Variants in KMT2C observed in about 807,000 individuals in gnomAD.
KMT2C encodes histone-lysine N-methyltransferase 2C.
KMT2C carries 88 observed loss-of-function variants against 507.9 expected under a neutral mutation model. The ratio of observed to expected loss-of-function variants is 0.17; its 90% CI spans 0.15 to 0.21. The LOEUF is 0.21. Ranked by LOEUF, KMT2C falls within the 10% of genes least tolerant of loss-of-function variation. The pLI, the probability that KMT2C is intolerant of heterozygous loss-of-function variation, is 1.00. For synonymous variants in KMT2C, 2,049 were observed against 2,080.8 expected (o/e 0.98, Z 0.42); for missense variants, 4,954 against 5,957.8 (o/e 0.83, Z 5.55).
intron 33 of KMT2C, among the ~76,000 whole-genome samples, chr7:152,187,046 A>C (rs2093648558): frequency 6.6e-6 from 1 of 152,192 alleles, no homozygotes; most frequent in African/African-American, 2.4e-5. Context: ...GGACCATTTC[A>C]CTAATTGAAA....
intron 3 of KMT2C, among the ~76,000 whole-genome samples, chr7:152,329,613 G>C (rs2096861292): frequency 6.7e-6 from 1 of 148,502 alleles, no homozygotes. Flanking sequence ...AAAGGGAAGA[G>C]GAAAAGGAAG....
intron 11 of KMT2C, 82 bp downstream of exon 11, chr7:152,251,857 T>C (rs2129166489): frequency 2.2e-6 from 2 of 917,852 alleles, no homozygotes; most frequent in Non-Finnish European, 3.1e-6. Context: ...CCTCTCTTCC[T>C]GATTAAAGCA....
chr7:152,184,234 C>A (rs2093547511), intron 34 of KMT2C, among the ~76,000 whole-genome samples: 1 of 151,234 alleles, frequency 6.6e-6, no homozygotes, highest in Admixed American at 6.6e-5. Flanking sequence ...AGCATATTAA[C>A]ACATCTATAT....
At chr7:152,280,342 A>T (rs1317938822) in intron 6 of KMT2C, among the ~76,000 whole-genome samples, 1 of 123,910 alleles carries the variant, frequency 8.1e-6, no homozygotes, top group Non-Finnish European at 1.8e-5. Context: ...TGAGATCAAG[A>T]CCATCCTGGC....
intron 7 of KMT2C, among the ~76,000 whole-genome samples, chr7:152,269,990 A>G (rs1438189522): frequency 6.6e-6 from 1 of 152,240 alleles, no homozygotes; most frequent in Admixed American, 6.5e-5. Flanking sequence ...CAGACAACAC[A>G]TAAGAATAAA....
chr7:152,416,437 C>T (rs377186431), intron 1 of KMT2C, among the ~76,000 whole-genome samples: 2 of 152,146 alleles, frequency 1.3e-5, no homozygotes, highest in African/African-American at 2.4e-5. Flanking sequence ...CCCAGCTACT[C>T]GGGAGGGAGG....
intron 38 of KMT2C, among the ~76,000 whole-genome samples, chr7:152,174,784 A>C (rs925073222): frequency 4.5e-4 from 69 of 152,316 alleles, no homozygotes; most frequent in Non-Finnish European, 9.0e-4. Context: ...CACTGCTTAG[A>C]CACGTGCCCT....
chr7:152,194,273 TAA>T lies in KMT2C; in HGVS notation c.4508-14_4508-13del, dbSNP rs749505031. The T allele has an allele frequency of 1.5e-4, 166 of 1,138,654 alleles. No individual in the cohort carries two copies. The highest frequency in any genetic ancestry group is 1.6e-4 in the Non-Finnish European group (137 of 831,272). 70.5% of individuals were successfully genotyped at this position (1,138,654 alleles called of 1,614,324 possible). A position where few individuals can be genotyped will look rare whatever the true frequency, so the allele number is the denominator to read the frequency against. ...TCCAAGAATTGCTCCTAGAATAAAT[TAA>T]AAAAAAAAAAGAAACATTAACAGCT... On this transcript the variant is annotated splice_polypyrimidine_tract_variant and intron_variant, in intron 29 of 58. Coordinates refer to ENST00000262189, the MANE Select transcript of KMT2C (RefSeq NM_170606.3).
At chr7:152,377,103 G>A (rs79442899) in intron 1 of KMT2C, among the ~76,000 whole-genome samples, 1,110 of 132,374 alleles carry the variant, frequency 8.4e-3, no homozygotes, top group South Asian at 0.02. Flanking sequence ...TGAAGCTAAT[G>A]CTCATTTGCC....
intron 9 of KMT2C, among the ~76,000 whole-genome samples, chr7:152,259,561 A>G (rs1216998571): frequency 1.3e-5 from 2 of 152,120 alleles, no homozygotes; most frequent in African/African-American, 4.8e-5. Context: ...TAAATGCGAC[A>G]TGGGTATTAT....
At position 152,134,973 on chromosome 7, in the gene KMT2C, T is replaced by C. The variant is rs2089760977; in HGVS notation, c.*1859A>G. ...TGTAAATGGTGATCTTCTAAATCTG[T>C]GTCCACAAATTCCAAAACCCATAAC... On this transcript the variant is annotated 3_prime_UTR_variant, in exon 59 of 59. Transcript: ENST00000262189. 3 of 225,606 alleles carry C rather than the reference T, an allele frequency of 1.3e-5. No homozygotes were observed. The highest frequency in any genetic ancestry group is 1.1e-4 in the Admixed American group (2 of 17,520). The allele number at this position is 225,606 out of a possible 1,614,324, so 14.0% of individuals were successfully genotyped here.
chr7:152,425,928 G>A (rs1301892136), intron 1 of KMT2C, among the ~76,000 whole-genome samples: 1 of 152,014 alleles, frequency 6.6e-6, no homozygotes, highest in African/African-American at 2.4e-5. Flanking sequence ...CTCACTGAGG[G>A]AGGCCTACTA....
At position 152,149,029 on chromosome 7, in the gene KMT2C, A is replaced by G. The variant is rs199880787; in HGVS notation, c.12898T>C (p.Ser4300Pro). ...HCLPQLPEKASPPASPPIAFP... is the reference protein window; with the variant it reads ...HCLPQLPEKAPPPASPPIAFP... ...GCGATGGGTGGTGAGGCAGGGGGAG[A>G]AGCTTTCTCTGGGAGCTGGGGGAGA... Residue 4300 changes from serine (S) to proline (P), a missense_variant, in exon 52 of 59, where the codon TCT becomes CCT. Transcript: ENST00000262189. 125 of 1,537,666 alleles carry G rather than the reference A, an allele frequency of 8.1e-5. 2 individuals are homozygous for G. In the East Asian group the frequency reaches 1.6e-3, roughly 19 times the overall value.
intron 44 of KMT2C, chr7:152,157,875 C>T (rs371760883): frequency 2.6e-5 from 35 of 1,339,348 alleles, no homozygotes; most frequent in South Asian, 3.5e-5. Context: ...GAAGAAAGTG[C>T]GCAAAGTTCA....
At chr7:152,431,377 T>C (rs992196663) in intron 1 of KMT2C, among the ~76,000 whole-genome samples, 7 of 151,968 alleles carry the variant, frequency 4.6e-5, no homozygotes, top group Non-Finnish European at 8.8e-5. Flanking sequence ...GGCAGGCAGA[T>C]CATGAGGTCA....
intron 3 of KMT2C, among the ~76,000 whole-genome samples, chr7:152,327,006 C>G (rs919704504): frequency 6.6e-6 from 1 of 152,082 alleles, no homozygotes; most frequent in Non-Finnish European, 1.5e-5. Flanking sequence ...GAATAAACAC[C>G]AAGTCTGTAT....
rs1362483045 is a variant in KMT2C at position 152,167,454 on chromosome 7, T to G, written c.9518-76A>C. On this transcript the variant is annotated intron_variant, in intron 41 of 58. Coordinates refer to ENST00000262189, the MANE Select transcript of KMT2C (RefSeq NM_170606.3). ...TTATAAGTTACACAAATCTATTTTGTAAGGAAGTAGTTTCACCATGACCAC... is the reference window on the plus strand; with the variant it reads ...TTATAAGTTACACAAATCTATTTTGGAAGGAAGTAGTTTCACCATGACCAC... 2.3e-5 allele frequency: 23 copies of G among 995,508 alleles called. No homozygotes were observed. The East Asian group carries it at 5.5e-4, about 24-fold the overall frequency. The allele number at this position is 995,508 out of a possible 1,614,324, so 61.7% of individuals were successfully genotyped here.
At chr7:152,151,032 G>T in intron 50 of KMT2C, 25 bp from the exon 51 acceptor site, 1 of 1,414,426 alleles carries the variant, frequency 7.1e-7, no homozygotes, top group Non-Finnish European at 9.9e-7. Flanking sequence ...GAAATGTGTG[G>T]GAATCTCAAC....
intron 1 of KMT2C, 94 bp downstream of exon 1, chr7:152,435,531 GC>G (rs1458098002): frequency 1.8e-5 from 12 of 657,528 alleles, no homozygotes; most frequent in Non-Finnish European, 2.3e-5. Flanking sequence ...GCCGGGGGGC[GC>G]CGGGGCGCGG....
Sources: allele counts gnomAD v4.1 joint callset (sites outside exome capture counted in the v4.1 genomes callset), GRCh38; gene constraint gnomAD v4.1.1; transcripts MANE v1.5; gene names NCBI Gene and HGNC (gene_info 2026-07-23, HGNC 2026-07-21).